RB1CC1: variants seen among roughly 807,000 people sequenced by gnomAD.
RB1CC1 encodes the protein RB1 inducible coiled-coil 1.
RB1CC1 carries 46 observed loss-of-function variants against 177.5 expected under a neutral mutation model. That is an observed-to-expected ratio of 0.26 (90% CI 0.20 to 0.33). RB1CC1 has a LOEUF of 0.33. Among genes scored for constraint, RB1CC1 ranks in the 10% least tolerant of loss-of-function variants. The probability of loss-of-function intolerance (pLI) is 1.00; values close to 1 mark genes in which losing one functional copy is unlikely to be tolerated. For synonymous variants in RB1CC1, 666 were observed against 613.6 expected, an observed-to-expected ratio of 1.09 and a Z score of -1.26; for missense variants, 1,703 against 1,816.3, an observed-to-expected ratio of 0.94 and a Z score of 1.13.
rs1190999637 is a variant in RB1CC1, at chr8:52,642,393, C to G, written c.4295G>C (p.Gly1432Ala). ...TGTCTCCATTGCTGAATCCACTCTT[C>G]CTTCATCTGCTGTTTCCACAGCGGA... ...DRSAVETADE[G>A]RVDSAMETSM... The change falls in exon 18 of 24, where the codon GGA becomes GCA. Residue 1432 changes from glycine (G) to alanine (A), a missense_variant. Coordinates refer to ENST00000025008, the MANE Select transcript of RB1CC1 (RefSeq NM_014781.5). 6.2e-7 allele frequency: 1 copy of G among 1,613,968 alleles called. No individual in the cohort carries two copies. Among genetic ancestry groups the G allele is most frequent in the African/African-American group, 1.3e-5 (1 of 74,934 alleles).
At chr8:52,698,168 C>G (rs1412992063) in intron 1 of RB1CC1, among the ~76,000 whole-genome samples, 1 of 152,068 alleles carries the variant, frequency 6.6e-6, no homozygotes, top group Non-Finnish European at 1.5e-5. Context: ...TCACAACCTC[C>G]CCGGCTCAAG....
chr8:52,660,759 AAGTTTAAAATTTAAC>A (rs1327979295), intron 11 of RB1CC1, 102 bp from the exon 12 acceptor site: 17 of 1,225,816 alleles, frequency 1.4e-5, no homozygotes, highest in African/African-American at 3.1e-5. Context: ...ACAGTACTTC[AAGTTTAAAATTTAAC>A]AATGGATTCA....
chr8:52,628,423 C>T (rs752078609), intron 21 of RB1CC1, among the ~76,000 whole-genome samples: 2 of 152,132 alleles, frequency 1.3e-5, no homozygotes, highest in East Asian at 3.9e-4. Context: ...CATTATCTAA[C>T]GTTAAGGAAC....
chr8:52,711,881 T>C (rs1171701033), intron 1 of RB1CC1, among the ~76,000 whole-genome samples: 1 of 152,162 alleles, frequency 6.6e-6, no homozygotes, highest in Non-Finnish European at 1.5e-5. Context: ...TGCCAAAAAT[T>C]CCTTTCGAGA....
intron 1 of RB1CC1, among the ~76,000 whole-genome samples, chr8:52,702,718 G>GA (rs1303585895): frequency 6.6e-6 from 1 of 151,484 alleles, no homozygotes; most frequent in African/African-American, 2.4e-5. Context: ...CAAAAAAAAA[G>GA]AAAAGAAGAA....
chr8:52,679,211 C>T (rs770307515), intron 5 of RB1CC1, among the ~76,000 whole-genome samples: 8 of 152,152 alleles, frequency 5.3e-5, no homozygotes, highest in Non-Finnish European at 7.4e-5. Context: ...AATAAGATAG[C>T]TACAAAGATA....
chr8:52,656,865 T>C lies in RB1CC1; in HGVS notation c.2964A>G (p.Leu988=). 6.8e-6 allele frequency: 11 copies of C among 1,613,562 alleles called. No homozygotes were observed. The highest frequency in any genetic ancestry group is 9.3e-6 in the Non-Finnish European group (11 of 1,179,966). Reference sequence around the variant, plus strand: ...CCTGAAGTGTGTCCTCTAATTCCTTTAGATGACTTTGCTCCAAGGACTGAA... The same window carrying C: ...CCTGAAGTGTGTCCTCTAATTCCTTCAGATGACTTTGCTCCAAGGACTGAA... ...AELQSLEQSH[L]KELEDTLQVR... The change falls in exon 15 of 24, where the codon CTA becomes CTG. Residue 988 remains leucine, a synonymous_variant. Coordinates refer to ENST00000025008, the MANE Select transcript of RB1CC1 (RefSeq NM_014781.5).
chr8:52,656,891 G>A lies in RB1CC1; in HGVS notation c.2938C>T (p.Leu980Phe), dbSNP rs775614279. 4 of 1,613,238 alleles carry A rather than the reference G, an allele frequency of 2.5e-6. No homozygotes were observed. In the East Asian group the frequency reaches 6.7e-5, roughly 27 times the overall value. Residue 980 changes from leucine to phenylalanine, a missense_variant, in exon 15 of 24, where the codon CTT becomes TTT. Transcript: ENST00000025008. ...DEKLQLLRAE[L>F]QSLEQSHLKE... ...AGATGACTTTGCTCCAAGGACTGAA[G>A]TTCTGCCCTCAATAACTGTAACTTC...
chr8:52,631,043 T>G (rs538508956), intron 20 of RB1CC1, among the ~76,000 whole-genome samples: 17 of 152,278 alleles, frequency 1.1e-4, no homozygotes, highest in African/African-American at 3.9e-4. Context: ...CTTCCCCTAT[T>G]GGCTGGGGTT....
chr8:52,644,008 T>A (rs1236482720), intron 16 of RB1CC1, among the ~76,000 whole-genome samples: 1 of 152,092 alleles, frequency 6.6e-6, no homozygotes, highest in Non-Finnish European at 1.5e-5. Flanking sequence ...ACATTTATGA[T>A]ATGGCTTTGT....
chr8:52,623,763 T>C lies in RB1CC1; in HGVS notation c.*19A>G, dbSNP rs1429156383. ...AATCAGAAAAAAATGTCATAGAATG[T>C]ATTAATTTTGTCCATAAGTTATACT... On this transcript the variant is annotated 3_prime_UTR_variant, in exon 24 of 24. Transcript: ENST00000025008. 1 of 1,538,358 alleles carries C rather than the reference T, an allele frequency of 6.5e-7. No homozygotes were observed. The highest frequency in any genetic ancestry group is 2.2e-5 in the East Asian group (1 of 44,474).
chr8:52,654,825 T>A (rs1403684284), intron 15 of RB1CC1, among the ~76,000 whole-genome samples: 5 of 152,172 alleles, frequency 3.3e-5, no homozygotes, highest in Non-Finnish European at 7.3e-5. Flanking sequence ...TCCTGTTAGA[T>A]CAATTTAACC....
chr8:52,671,980 T>C (rs1196122835), intron 7 of RB1CC1, among the ~76,000 whole-genome samples: 2 of 152,224 alleles, frequency 1.3e-5, no homozygotes, highest in Non-Finnish European at 2.9e-5. Flanking sequence ...AGTTTGTATT[T>C]TGCTTTTTTA....
chr8:52,629,369 A>T (rs1460061139), intron 21 of RB1CC1, among the ~76,000 whole-genome samples: 1 of 152,234 alleles, frequency 6.6e-6, no homozygotes, highest in East Asian at 1.9e-4. Flanking sequence ...CCAAAGCTAA[A>T]GAAAAATTTT....
intron 15 of RB1CC1, among the ~76,000 whole-genome samples, chr8:52,646,657 T>C (rs1373055446): frequency 1.3e-5 from 2 of 152,250 alleles, no homozygotes; most frequent in African/African-American, 2.4e-5. Flanking sequence ...TACATATTCC[T>C]GAACTCATAC....
chr8:52,664,010 G>A (rs1851850184), intron 8 of RB1CC1, among the ~76,000 whole-genome samples: 1 of 152,178 alleles, frequency 6.6e-6, no homozygotes, highest in African/African-American at 2.4e-5. Flanking sequence ...AAGAGAAAAT[G>A]AACCTGATGA....
rs1448725090 is a variant in RB1CC1 at position 52,655,127 on chromosome 8, T to G, written c.3821+881A>C. 3.9e-5 allele frequency among the ~76,000 whole-genome samples: 6 copies of G among 152,126 alleles called. No homozygotes were observed. In the South Asian group the frequency reaches 1.0e-3, roughly 26 times the overall value. ...TACATGCAAACCCTAATTCCTCTAT[T>G]AAACCCTCTAATGCCCCCTCCCCCA... is the stretch of plus-strand genomic sequence containing the variant. On this transcript the variant is annotated intron_variant, in intron 15 of 23. Transcript: ENST00000025008.
intron 20 of RB1CC1, among the ~76,000 whole-genome samples, chr8:52,633,280 CACAATTAATCT>C (rs1156366410): frequency 2.6e-5 from 4 of 152,184 alleles, no homozygotes; most frequent in African/African-American, 9.7e-5. Context: ...CTTTTGGGTT[CACAATTAATCT>C]ACAAACATAT....
chr8:52,672,327 T>C (rs1203402406), intron 7 of RB1CC1, among the ~76,000 whole-genome samples: 3 of 152,134 alleles, frequency 2.0e-5, no homozygotes, highest in Non-Finnish European at 4.4e-5. Flanking sequence ...CCTTTAGTCA[T>C]ACAAATTGAA....
Sources: gnomAD v4.1 joint callset for allele counts (sites outside exome capture counted in the v4.1 genomes callset) on GRCh38, gnomAD v4.1.1 for gene constraint, MANE v1.5 for transcripts, NCBI Gene and HGNC (gene_info 2026-07-23, HGNC 2026-07-21) for gene names.